Variants in GAS7 observed in about 807,000 individuals in gnomAD.
The protein encoded by GAS7 is growth arrest-specific protein 7.
GAS7 carries 28 observed loss-of-function variants against 71.1 expected under a neutral mutation model. The ratio of observed to expected loss-of-function variants is 0.39; its 90% CI spans 0.29 to 0.54. GAS7 has a LOEUF of 0.54. Among genes scored for constraint, GAS7 ranks in the 20% least tolerant of loss-of-function variants. The probability of loss-of-function intolerance (pLI) is 0.62; values close to 1 mark genes in which losing one functional copy is unlikely to be tolerated. For synonymous variants in GAS7, 258 were observed against 245.8 expected (o/e 1.05, Z -0.46); for missense variants, 436 against 627.8 (o/e 0.69, Z 3.27).
At chr17:9,993,607 T>C (rs1427983745) in intron 2 of GAS7, among the ~76,000 whole-genome samples, 1 of 151,814 alleles carries the variant, frequency 6.6e-6, no homozygotes, top group Non-Finnish European at 1.5e-5. Flanking sequence ...GCATTCCCTT[T>C]GAAAACTGGC....
intron 2 of GAS7, among the ~76,000 whole-genome samples, 164 bp from the exon 3 acceptor site, chr17:9,982,048 C>A (rs1597606289): frequency 6.6e-6 from 1 of 152,198 alleles, no homozygotes; most frequent in African/African-American, 2.4e-5. Flanking sequence ...GCTCCCATAT[C>A]CATCCATCTC....
intron 8 of GAS7, among the ~76,000 whole-genome samples, chr17:9,936,992 G>T (rs1425331920): frequency 1.3e-5 from 2 of 152,218 alleles, no homozygotes; most frequent in Non-Finnish European, 2.9e-5. Flanking sequence ...CAAATTTCTA[G>T]ACTCCTGCTT....
Position 9,912,043 on chromosome 17 carries a change from G to A in GAS7, c.*5185C>T, listed in dbSNP as rs2109024. The A allele has an allele frequency of 0.02, 4,660 of 231,808 alleles. 218 individuals carry two copies. The highest frequency in any genetic ancestry group is 0.094 in the African/African-American group (4,245 of 45,332). The allele number at this position is 231,808 out of a possible 1,614,324, so 14.4% of individuals were successfully genotyped here. On this transcript the variant is annotated 3_prime_UTR_variant, in exon 14 of 14. Transcript: ENST00000432992. ...GCTGCGACAAGGACTCCATCTTCAC[G>A]CCTGTCCTGGCTCCTGGGGAGTAGA... is the stretch of plus-strand genomic sequence containing the variant.
chr17:10,104,209 T>C (rs1185835617), intron 1 of GAS7, among the ~76,000 whole-genome samples: 1 of 152,142 alleles, frequency 6.6e-6, no homozygotes, highest in Admixed American at 6.5e-5. Context: ...ACCAGTGACC[T>C]CCATGTTGTC....
intron 7 of GAS7, among the ~76,000 whole-genome samples, chr17:9,942,241 G>A (rs1003146657): frequency 4.0e-5 from 6 of 151,646 alleles, no homozygotes; most frequent in Non-Finnish European, 5.9e-5. Flanking sequence ...ATGACAGAGC[G>A]AGACTCTGTC....
At chr17:10,073,543 C>T (rs2073362309) in intron 1 of GAS7, among the ~76,000 whole-genome samples, 1 of 152,224 alleles carries the variant, frequency 6.6e-6, no homozygotes. Flanking sequence ...ACCAGCAACA[C>T]TGAGCTTGTT....
rs147813405 is a variant in GAS7 at position 9,922,261 on chromosome 17, G to C, written c.1139-2556C>G. Among the ~76,000 whole-genome samples, 35 of 152,204 alleles carry C rather than the reference G, an allele frequency of 2.3e-4. No individual in the cohort carries two copies. The South Asian group carries it at 3.5e-3, about 15-fold the overall frequency. On this transcript the variant is annotated intron_variant, in intron 11 of 13. Transcript: ENST00000432992. ...GGATCTGATGTCTTTCCTTCTAGTAGCCTTGGAAAAGATGAGGAAGAGGGA... is the reference window on the plus strand; with the variant it reads ...GGATCTGATGTCTTTCCTTCTAGTACCCTTGGAAAAGATGAGGAAGAGGGA...
At chr17:10,145,693 T>C (rs912540446) in intron 1 of GAS7, among the ~76,000 whole-genome samples, 11 of 152,110 alleles carry the variant, frequency 7.2e-5, no homozygotes, top group African/African-American at 2.2e-4. Context: ...GAACGGACAG[T>C]ATAGCTGGGC....
At chr17:10,136,690 C>A (rs1254947019) in intron 1 of GAS7, among the ~76,000 whole-genome samples, 1 of 152,166 alleles carries the variant, frequency 6.6e-6, no homozygotes, top group Non-Finnish European at 1.5e-5. Flanking sequence ...GGGCAGCCAG[C>A]GTGATCCTGC....
At chr17:10,180,946 C>T (rs991863677) in intron 1 of GAS7, among the ~76,000 whole-genome samples, 8 of 151,576 alleles carry the variant, frequency 5.3e-5, no homozygotes, top group African/African-American at 1.9e-4. Context: ...AGATCAGAGA[C>T]CCAATCCTTG....
In GAS7 at chr17:10,128,346, C is replaced by A. The variant is rs971490933; in HGVS notation, c.183+69862G>T. Among the ~76,000 whole-genome samples the A allele has an allele frequency of 5.9e-5, 9 of 152,346 alleles. No homozygotes were observed. The South Asian group carries it at 8.3e-4, about 14-fold the overall frequency. On this transcript the variant is annotated intron_variant, in intron 1 of 13. Coordinates refer to ENST00000432992, the MANE Select transcript of GAS7 (RefSeq NM_201433.2). ...TCTGCCTGGTTGTCCCTGTGCTGAC[C>A]TCTGGCTGCTCCCAGGAGCCATTAG... is the stretch of plus-strand genomic sequence containing the variant.
At chr17:10,036,935 C>G (rs76615683) in intron 1 of GAS7, among the ~76,000 whole-genome samples, 4,697 of 152,272 alleles carry the variant, frequency 0.031, 242 homozygotes, top group African/African-American at 0.11. Context: ...CTGCCCAAGC[C>G]CTGCTGGAGA....
chr17:9,946,748 T>C lies in GAS7; in HGVS notation c.615+146A>G, dbSNP rs2152098191. 3 of 576,444 alleles carry C rather than the reference T, an allele frequency of 5.2e-6. No individual in the cohort carries two copies. In the South Asian group the frequency reaches 6.2e-5, roughly 12 times the overall value. 35.7% of individuals were successfully genotyped at this position (576,444 alleles called of 1,614,324 possible). ...ACCCCAAGAGGGTCCTAAGTTCCTG[T>C]CACAGATGCAAACTCTAACACCAGC... is the stretch of plus-strand genomic sequence containing the variant. On this transcript the variant is annotated intron_variant, in intron 6 of 13. Coordinates refer to ENST00000432992, the MANE Select transcript of GAS7 (RefSeq NM_201433.2).
chr17:10,046,840 GGAAGGAAAGAAA>G (rs2072975383), intron 1 of GAS7, among the ~76,000 whole-genome samples: 1 of 94,670 alleles, frequency 1.1e-5, no homozygotes, highest in African/African-American at 6.6e-5. Context: ...AAGGAAGGAA[GGAAGGAAAGAAA>G]AGAAAAGAAA....
intron 8 of GAS7, among the ~76,000 whole-genome samples, chr17:9,939,133 C>T (rs1263430541): frequency 1.3e-5 from 2 of 152,168 alleles, no homozygotes; most frequent in Non-Finnish European, 2.9e-5. Context: ...AGTGCCTGTA[C>T]TCAGTTTTTT....
At chr17:10,182,365 G>T (rs147699531) in intron 1 of GAS7, among the ~76,000 whole-genome samples, 17,330 of 152,148 alleles carry the variant, frequency 0.11, 1,138 homozygotes, top group East Asian at 0.21. Flanking sequence ...TCACCATGTT[G>T]GCCAGGCTGA....
chr17:10,078,360 G>A (rs1284932852), intron 1 of GAS7, among the ~76,000 whole-genome samples: 1 of 152,152 alleles, frequency 6.6e-6, no homozygotes, highest in African/African-American at 2.4e-5. Flanking sequence ...CCAAAGTGGT[G>A]GGATTACAGG....
Position 9,962,906 on chromosome 17 carries a change from A to G in GAS7, c.472-3651T>C, listed in dbSNP as rs544737949. Among the ~76,000 whole-genome samples the G allele has an allele frequency of 4.6e-5, 7 of 152,244 alleles. No individual in the cohort carries two copies. In the South Asian group the frequency reaches 1.5e-3, roughly 32 times the overall value. On this transcript the variant is annotated intron_variant, in intron 4 of 13. Coordinates refer to ENST00000432992, the MANE Select transcript of GAS7 (RefSeq NM_201433.2). ...CCAAATGCAGTAAAAAGAACCCCAC[A>G]TGCCCTGTCCAGCTATTCTTGCCCA...
At chr17:10,055,824 T>C (rs961157434) in intron 1 of GAS7, among the ~76,000 whole-genome samples, 3 of 152,258 alleles carry the variant, frequency 2.0e-5, no homozygotes, top group African/African-American at 4.8e-5. Flanking sequence ...AGGTTGACAC[T>C]GATTGCTTGC....
Sources: allele counts gnomAD v4.1 joint callset (sites outside exome capture counted in the v4.1 genomes callset), GRCh38; gene constraint gnomAD v4.1.1; transcripts MANE v1.5; gene names NCBI Gene and HGNC (gene_info 2026-07-23, HGNC 2026-07-21).